The following GALNT17 variants were observed in gnomAD, a reference collection of about 807,000 sequenced individuals.
The protein encoded by GALNT17 is polypeptide N-acetylgalactosaminyltransferase 17, also known as UDP-GalNAc:polypeptide N-acetylgalactosaminyltransferase-like 3.
In GALNT17, 29 loss-of-function variants were observed where a neutral mutation model predicts 63.7. The observed-to-expected ratio is 0.46, with a 90% confidence interval of 0.34 to 0.62. The LOEUF is 0.62. GALNT17 is among the 20% of genes least tolerant of loss of function. The pLI, the probability that GALNT17 is intolerant of heterozygous loss-of-function variation, is 0.01. For missense variants in GALNT17, 603 were observed against 799.6 expected (o/e 0.75, Z 2.97); for synonymous variants, 305 against 318.3 (o/e 0.96, Z 0.45).
At chr7:71,638,306 G>A (rs757822600) in intron 6 of GALNT17, among the ~76,000 whole-genome samples, 3 of 152,170 alleles carry the variant, frequency 2.0e-5, no homozygotes, top group Non-Finnish European at 4.4e-5. Flanking sequence ...TGTATCTTGT[G>A]CCAACCTCCT....
intron 1 of GALNT17, among the ~76,000 whole-genome samples, chr7:71,331,255 C>T: frequency 6.6e-6 from 1 of 152,140 alleles, no homozygotes; most frequent in South Asian, 2.1e-4. Context: ...TTAAACAACC[C>T]TCAAATCTCT....
chr7:71,612,162 G>A (rs1790135171), intron 6 of GALNT17, among the ~76,000 whole-genome samples: 1 of 152,144 alleles, frequency 6.6e-6, no homozygotes, highest in Non-Finnish European at 1.5e-5. Context: ...TAGACTATGA[G>A]AGCAAAGGAA....
chr7:71,297,841 A>T (rs1042986572), intron 1 of GALNT17, among the ~76,000 whole-genome samples: 1 of 152,342 alleles, frequency 6.6e-6, no homozygotes, highest in African/African-American at 2.4e-5. Context: ...CAGAAGGAGT[A>T]CCTACTGCAT....
At chr7:71,551,730 C>G (rs1158400742) in intron 5 of GALNT17, among the ~76,000 whole-genome samples, 1 of 149,762 alleles carries the variant, frequency 6.7e-6, no homozygotes, top group Non-Finnish European at 1.5e-5. Flanking sequence ...TGCACTCCAG[C>G]CTAGGGGACA....
At position 71,711,915 on chromosome 7, in the gene GALNT17, G is replaced by A. The variant is rs887584; in HGVS notation, c.1669-103G>A. 0.48 allele frequency: 600,621 copies of A among 1,262,324 alleles called. 149,194 individuals are homozygous for A. The highest frequency in any genetic ancestry group is 0.52 in the Non-Finnish European group (475,522 of 913,162). The allele number at this position is 1,262,324 out of a possible 1,614,324, so 78.2% of individuals were successfully genotyped here. ...CTCTTCTCTTTTTCTTTTTCTCTTT[G>A]TCATTTTCTCTCTCCTGTCTCTCTT... On this transcript the variant is annotated intron_variant, in intron 10 of 10. Transcript: ENST00000333538.
At chr7:71,614,412 G>A (rs1917739) in intron 6 of GALNT17, among the ~76,000 whole-genome samples, 152,285 of 152,294 alleles carry the variant, frequency 1, 76,138 homozygotes, top group Middle Eastern at 1. Context: ...AATCTGAAAT[G>A]CTTCTGAGGA....
intron 1 of GALNT17, among the ~76,000 whole-genome samples, chr7:71,184,825 A>G (rs1180064882): frequency 6.6e-6 from 1 of 152,190 alleles, no homozygotes; most frequent in East Asian, 1.9e-4. Context: ...ATAATGTGGT[A>G]AATGATGGAG....
intron 5 of GALNT17, among the ~76,000 whole-genome samples, chr7:71,525,736 CTTTTTTT>C (rs71089950): frequency 1.3e-5 from 1 of 75,062 alleles, no homozygotes; most frequent in Non-Finnish European, 2.5e-5. Flanking sequence ...TATGTCTTTT[CTTTTTTT>C]TTTTTTTTTT....
At chr7:71,364,637 A>G (rs1488572232) in intron 2 of GALNT17, among the ~76,000 whole-genome samples, 2 of 152,162 alleles carry the variant, frequency 1.3e-5, no homozygotes, top group Non-Finnish European at 2.9e-5. Context: ...AAACCCAGGC[A>G]TGGAGTCAGG....
At chr7:71,328,372 C>G (rs750651779) in intron 1 of GALNT17, among the ~76,000 whole-genome samples, 3 of 152,222 alleles carry the variant, frequency 2.0e-5, no homozygotes, top group Non-Finnish European at 4.4e-5. Context: ...TGCTTTCTCT[C>G]TTTGCTGCTG....
chr7:71,536,312 C>T lies in GALNT17; in HGVS notation c.963-34973C>T, dbSNP rs993367282. Among the ~76,000 whole-genome samples the T allele has an allele frequency of 5.3e-5, 8 of 152,274 alleles. No individual in the cohort carries two copies. The South Asian group carries it at 1.5e-3, about 28-fold the overall frequency. On this transcript the variant is annotated intron_variant, in intron 5 of 10. Transcript: ENST00000333538. ...AGGCAGCCTGGCTCAGAGACCCAGA[C>T]CCTAGACACAGCCATGGCCTGGGCA...
chr7:71,641,412 C>T (rs965376916), intron 6 of GALNT17, among the ~76,000 whole-genome samples: 1 of 152,028 alleles, frequency 6.6e-6, no homozygotes, highest in South Asian at 2.1e-4. Flanking sequence ...AACAAAATAC[C>T]GTACACTAGG....
chr7:71,184,734 C>T (rs1347750784), intron 1 of GALNT17, among the ~76,000 whole-genome samples: 4 of 152,164 alleles, frequency 2.6e-5, no homozygotes, highest in Non-Finnish European at 4.4e-5. Flanking sequence ...GTTACATTAG[C>T]CCCTGTGTAA....
At chr7:71,456,177 C>T (rs1404874137) in intron 5 of GALNT17, among the ~76,000 whole-genome samples, 1 of 151,416 alleles carries the variant, frequency 6.6e-6, no homozygotes, top group African/African-American at 2.4e-5. Flanking sequence ...ACCTGGGGGG[C>T]AGAGGTTGCA....
In GALNT17 at chr7:71,171,569, C is replaced by T. The variant is rs1335334654; in HGVS notation, c.238+38529C>T. On this transcript the variant is annotated intron_variant, in intron 1 of 10. Coordinates refer to ENST00000333538, the MANE Select transcript of GALNT17 (RefSeq NM_022479.3). ...AAATGTAGACAAATGTGTATCCCAC[C>T]GTAATGGAATTTGTTGTGTAGTGCC... Among the ~76,000 whole-genome samples the T allele has an allele frequency of 2.6e-5, 4 of 152,112 alleles. No homozygotes were observed. The East Asian group carries it at 5.8e-4, about 22-fold the overall frequency.
At chr7:71,471,929 A>AT (rs11300315) in intron 5 of GALNT17, among the ~76,000 whole-genome samples, 23,219 of 137,468 alleles carry the variant, frequency 0.17, 1,822 homozygotes, top group Middle Eastern at 0.27. Flanking sequence ...TCTGTGTCTC[A>AT]TTTTTTTTTT....
chr7:71,158,870 C>T lies in GALNT17; in HGVS notation c.238+25830C>T, dbSNP rs568092487. Among the ~76,000 whole-genome samples the T allele has an allele frequency of 7.9e-5, 12 of 151,856 alleles. 1 individual carries two copies. Among genetic ancestry groups the T allele is most frequent in the African/African-American group, 2.7e-4 (11 of 41,226 alleles). The stretch of plus-strand genomic sequence containing the variant: ...GATTACAGGCGTGAGCCACCACGCC[C>T]GGCAATTTTTGTATTTTTAGTAGAG... On this transcript the variant is annotated intron_variant, in intron 1 of 10. Coordinates refer to ENST00000333538, the MANE Select transcript of GALNT17 (RefSeq NM_022479.3).
intron 3 of GALNT17, among the ~76,000 whole-genome samples, chr7:71,399,465 T>C (rs972095007): frequency 2.0e-5 from 3 of 152,202 alleles, no homozygotes; most frequent in African/African-American, 7.2e-5. Flanking sequence ...ATCTGTCACT[T>C]GGTTAACCCT....
intron 1 of GALNT17, among the ~76,000 whole-genome samples, chr7:71,326,069 T>G (rs1791698989): frequency 6.6e-6 from 1 of 152,168 alleles, no homozygotes; most frequent in Non-Finnish European, 1.5e-5. Context: ...AATTCTAAAT[T>G]TTCTAACGTC....
Sources: allele counts gnomAD v4.1 joint callset (sites outside exome capture counted in the v4.1 genomes callset), GRCh38; gene constraint gnomAD v4.1.1; transcripts MANE v1.5; gene names NCBI Gene and HGNC (gene_info 2026-07-23, HGNC 2026-07-21).